The following NRP1 variants were observed in gnomAD, a reference collection of about 807,000 sequenced individuals.
NRP1 encodes the protein neuropilin 1, also known as neuropilin-1.
NRP1 carries 35 observed loss-of-function variants against 106.7 expected under a neutral mutation model. The ratio of observed to expected loss-of-function variants is 0.33; its 90% CI spans 0.25 to 0.43. The LOEUF (loss-of-function observed/expected upper bound fraction) is 0.43, where lower values mean the gene tolerates loss of function less well. NRP1 is among the 20% of genes least tolerant of loss of function. NRP1 has a pLI of 1.00. For synonymous variants in NRP1, 437 were observed against 417.9 expected, an observed-to-expected ratio of 1.05 and a Z score of -0.56; for missense variants, 1,024 against 1,170.4, an observed-to-expected ratio of 0.87 and a Z score of 1.83.
chr10:33,237,691 C>G (rs544786496), intron 6 of NRP1, among the ~76,000 whole-genome samples: 1 of 145,560 alleles, frequency 6.9e-6, no homozygotes, highest in South Asian at 2.2e-4. Flanking sequence ...TGATTATAGT[C>G]GCTGGGACTA....
intron 2 of NRP1, among the ~76,000 whole-genome samples, chr10:33,303,779 A>G (rs1845962186): frequency 6.6e-6 from 1 of 152,240 alleles, no homozygotes; most frequent in African/African-American, 2.4e-5. Context: ...TTCTTAAGAT[A>G]TAACATATCT....
chr10:33,202,559 C>A, intron 11 of NRP1: 3 of 1,379,890 alleles, frequency 2.2e-6, no homozygotes, highest in South Asian at 3.1e-5. Context: ...GGGTGGTGCA[C>A]GTGTTATTGG....
intron 2 of NRP1, among the ~76,000 whole-genome samples, chr10:33,319,532 C>A (rs113078504): frequency 1.3e-5 from 2 of 151,386 alleles, no homozygotes; most frequent in Non-Finnish European, 1.5e-5. Context: ...ATAAATCTTG[C>A]TGGTGCTCAC....
rs1464471836 is a variant in NRP1 at position 33,186,420 on chromosome 10, G to A, written c.2131C>T (p.Pro711Ser). 6.2e-7 allele frequency: 1 copy of A among 1,613,848 alleles called. No individual in the cohort carries two copies. Among genetic ancestry groups the A allele is most frequent in the African/African-American group, 1.3e-5 (1 of 74,884 alleles). ...GCAGAGTTCTGGGAATAAACCACAG[G>A]GCTCACCAGGCGAGCCACTTTGCCC... The part of the protein sequence containing the change: ...QKGKVARLVS[P>S]VVYSQNSAHC... Residue 711 changes from proline (P) to serine (S), a missense_variant, in exon 14 of 17, where the codon CCT (proline) becomes TCT (serine). Coordinates refer to ENST00000374867, the MANE Select transcript of NRP1 (RefSeq NM_003873.7).
intron 2 of NRP1, among the ~76,000 whole-genome samples, chr10:33,294,886 A>C (rs562517921): frequency 6.6e-6 from 1 of 152,276 alleles, no homozygotes; most frequent in East Asian, 1.9e-4. Context: ...ATTCAAAAAC[A>C]GTTATGCTGT....
At chr10:33,324,198 G>GA (rs986438800) in intron 2 of NRP1, among the ~76,000 whole-genome samples, 7 of 152,064 alleles carry the variant, frequency 4.6e-5, no homozygotes, top group Non-Finnish European at 7.4e-5. Context: ...TGCTAATGGG[G>GA]AAAAAAATCA....
At chr10:33,321,444 G>A (rs1005748501) in intron 2 of NRP1, among the ~76,000 whole-genome samples, 2 of 152,142 alleles carry the variant, frequency 1.3e-5, no homozygotes, top group Non-Finnish European at 2.9e-5. Flanking sequence ...TTAGCCAGGG[G>A]TTACCACATC....
intron 7 of NRP1, 92 bp from the exon 8 acceptor site, chr10:33,221,955 C>T (rs1453524017): frequency 9.3e-6 from 13 of 1,391,822 alleles, no homozygotes; most frequent in Non-Finnish European, 1.2e-5. Context: ...AAATTATTTA[C>T]AATTTCAGTG....
chr10:33,257,462 C>G (rs773694044), intron 4 of NRP1, among the ~76,000 whole-genome samples: 12 of 152,116 alleles, frequency 7.9e-5, no homozygotes, highest in Non-Finnish European at 1.8e-4. Context: ...CATGGTGAAA[C>G]CCCGTTTCTA....
chr10:33,216,168 C>T (rs112013954), intron 8 of NRP1, among the ~76,000 whole-genome samples: 10 of 144,368 alleles, frequency 6.9e-5, no homozygotes, highest in South Asian at 6.6e-4. Flanking sequence ...GAAGGAGTCT[C>T]GCTCTGTCTC....
At chr10:33,193,275 A>C (rs1365318782) in intron 12 of NRP1, among the ~76,000 whole-genome samples, 1 of 152,192 alleles carries the variant, frequency 6.6e-6, no homozygotes, top group Non-Finnish European at 1.5e-5. Flanking sequence ...ACAGCCTGAC[A>C]TTTTACACAG....
At chr10:33,240,604 T>C (rs1048883060) in intron 6 of NRP1, among the ~76,000 whole-genome samples, 4 of 152,168 alleles carry the variant, frequency 2.6e-5, no homozygotes, top group Non-Finnish European at 4.4e-5. Context: ...AGCATCTTTT[T>C]ACACCAATTT....
At chr10:33,270,328 A>T (rs867223721) in intron 3 of NRP1, among the ~76,000 whole-genome samples, 2,214 of 142,992 alleles carry the variant, frequency 0.015, 75 homozygotes, top group African/African-American at 0.055. Context: ...TGTTAAATAA[A>T]TTTTTTTTTT....
intron 16 of NRP1, among the ~76,000 whole-genome samples, chr10:33,180,606 C>T (rs981411401): frequency 6.6e-6 from 1 of 152,160 alleles, no homozygotes; most frequent in Admixed American, 6.5e-5. Context: ...AGGTTCCTTG[C>T]TCATCTAACT....
At chr10:33,188,197 G>A (rs938835627) in intron 13 of NRP1, among the ~76,000 whole-genome samples, 2 of 151,998 alleles carry the variant, frequency 1.3e-5, no homozygotes, top group African/African-American at 2.4e-5. Context: ...TCAATCTTAC[G>A]GAAAAAAGAC....
chr10:33,316,487 T>C (rs1175432838), intron 2 of NRP1, among the ~76,000 whole-genome samples: 1 of 152,178 alleles, frequency 6.6e-6, no homozygotes, highest in Non-Finnish European at 1.5e-5. Context: ...AATTTGTAAG[T>C]TTGAGGCCAA....
intron 2 of NRP1, among the ~76,000 whole-genome samples, chr10:33,318,374 C>T (rs994890126): frequency 2.0e-4 from 30 of 152,128 alleles, no homozygotes; most frequent in Non-Finnish European, 1.9e-4. Context: ...ACGCACATCC[C>T]TAATTCACCA....
chr10:33,295,683 G>A (rs1000262023), intron 2 of NRP1, among the ~76,000 whole-genome samples: 1 of 152,116 alleles, frequency 6.6e-6, no homozygotes, highest in Admixed American at 6.6e-5. Flanking sequence ...CACTCAGTGT[G>A]GGCAATAAAG....
intron 9 of NRP1, chr10:33,212,118 C>A (rs1163772896): frequency 6.6e-6 from 1 of 152,180 alleles, no homozygotes; most frequent in East Asian, 1.9e-4. Flanking sequence ...AAAAATTATA[C>A]CACGGGTTTT....
Sources: gnomAD v4.1 joint callset for allele counts (sites outside exome capture counted in the v4.1 genomes callset) on GRCh38, gnomAD v4.1.1 for gene constraint, MANE v1.5 for transcripts, NCBI Gene and HGNC (gene_info 2026-07-23, HGNC 2026-07-21) for gene names.